Variants in MSANTD5 observed in about 807,000 individuals in gnomAD.
MSANTD5 encodes the protein uncharacterized protein MSANTD5.
intron 1 of MSANTD5, 133 bp downstream of exon 1, chr5:178,697,453 C>CAA (rs1765431497): frequency 6.6e-6 from 1 of 151,984 alleles, no homozygotes; most frequent in African/African-American, 2.4e-5. Flanking sequence ...GACTCCGTCT[C>CAA]AAAAATATAA....
At chr5:178,696,480 A>C (rs4256366) in intron 1 of MSANTD5, among the ~76,000 whole-genome samples, 37,146 of 151,704 alleles carry the variant, frequency 0.24, 5,438 homozygotes, top group African/African-American at 0.4. Flanking sequence ...CCTGTCTTGG[A>C]CTCCCAAAGT....
At position 178,697,261 on chromosome 5, in the gene MSANTD5, T is replaced by C. The variant is rs374314211; in HGVS notation, c.6+325A>G. Among the ~76,000 whole-genome samples the C allele has an allele frequency of 3.5e-4, 53 of 151,466 alleles. No individual in the cohort carries two copies. The South Asian group carries it at 8.9e-3, about 25-fold the overall frequency. ...CGAGGTCAGGAGATCGAGACCATCC[T>C]GGCTAACACGGTGAAACCCCGTCTC... On this transcript the variant is annotated intron_variant, in intron 1 of 3. Coordinates refer to ENST00000648368, the Ensembl canonical transcript of MSANTD5.
At chr5:178,706,115 T>A in the MSANTD5 span, among the ~76,000 whole-genome samples, 1 of 152,206 alleles carries the variant, frequency 6.6e-6, no homozygotes, top group Non-Finnish European at 1.5e-5. Flanking sequence ...GAAATGCTTT[T>A]TCCGCCTGAA....
At chr5:178,704,436 C>A in the MSANTD5 span, among the ~76,000 whole-genome samples, 7 of 152,208 alleles carry the variant, frequency 4.6e-5, no homozygotes, top group Admixed American at 3.9e-4. Context: ...CTAGAAGGCA[C>A]CTTCTATAAG....
upstream of MSANTD5, among the ~76,000 whole-genome samples, chr5:178,700,506 C>T (rs1293746152): frequency 1.3e-5 from 2 of 152,206 alleles, no homozygotes; most frequent in Non-Finnish European, 1.5e-5. Context: ...CCATGAACTA[C>T]ACTGAGTCCA....
upstream of MSANTD5, among the ~76,000 whole-genome samples, chr5:178,699,828 C>G (rs1367024730): frequency 1.3e-5 from 2 of 152,112 alleles, no homozygotes; most frequent in African/African-American, 4.8e-5. Flanking sequence ...CTAATGGGGA[C>G]CCTGCTTATC....
chr5:178,700,006 T>C (rs1335304934), upstream of MSANTD5, among the ~76,000 whole-genome samples: 1 of 152,190 alleles, frequency 6.6e-6, no homozygotes, highest in East Asian at 1.9e-4. Flanking sequence ...TCTCTGTTTG[T>C]CCGGGCTCCA....
downstream of MSANTD5, among the ~76,000 whole-genome samples, chr5:178,694,188 G>A (rs967391305): frequency 1.3e-5 from 2 of 151,644 alleles, no homozygotes; most frequent in Non-Finnish European, 1.5e-5. Context: ...ATGGTGGCGG[G>A]CGCCTGTAAT....
At chr5:178,702,704 T>C in the MSANTD5 span, among the ~76,000 whole-genome samples, 1 of 151,976 alleles carries the variant, frequency 6.6e-6, no homozygotes, top group Non-Finnish European at 1.5e-5. Flanking sequence ...TTCAAGCAAT[T>C]CTTCTGCCTC....
upstream of MSANTD5, among the ~76,000 whole-genome samples, chr5:178,699,798 T>C (rs1765456861): frequency 9.3e-6 from 1 of 107,980 alleles, no homozygotes; most frequent in Non-Finnish European, 2.1e-5. Flanking sequence ...GTTACTTCCA[T>C]GGACAACAGC....
At chr5:178,700,768 G>A (rs566934538), upstream of MSANTD5, among the ~76,000 whole-genome samples, 1 of 152,296 alleles carries the variant, frequency 6.6e-6, no homozygotes, top group Non-Finnish European at 1.5e-5. Flanking sequence ...GAGAGGCTCG[G>A]AAGGCCAGGG....
At chr5:178,701,821 C>T (rs1258912142), upstream of MSANTD5, among the ~76,000 whole-genome samples, 4 of 150,094 alleles carry the variant, frequency 2.7e-5, no homozygotes, top group East Asian at 7.8e-4. Flanking sequence ...TCTTGGCCTA[C>T]TGGAACCTCT....
At chr5:178,700,727 TGAGAGGCTGAGCTTG>T (rs894732969), upstream of MSANTD5, among the ~76,000 whole-genome samples, 19 of 143,790 alleles carry the variant, frequency 1.3e-4, no homozygotes, top group South Asian at 4.4e-4. Flanking sequence ...TAATCCGGGC[TGAGAGGCTGAGCTTG>T]GAGAGGCTGA....
chr5:178,696,591 C>CAA (rs1243505892), intron 1 of MSANTD5, among the ~76,000 whole-genome samples: 6 of 152,044 alleles, frequency 3.9e-5, no homozygotes, highest in Non-Finnish European at 8.8e-5. Flanking sequence ...AGACACTGGA[C>CAA]AAGGGCGCGT....
chr5:178,699,434 C>CTTTT (rs36114750), upstream of MSANTD5, among the ~76,000 whole-genome samples: 5 of 148,648 alleles, frequency 3.4e-5, no homozygotes, highest in Non-Finnish European at 4.5e-5. Context: ...TTCTTTCCTT[C>CTTTT]TTTTTTTTTT....
chr5:178,703,442 G>A, the MSANTD5 span, among the ~76,000 whole-genome samples: 4 of 152,164 alleles, frequency 2.6e-5, no homozygotes, highest in East Asian at 5.8e-4. Flanking sequence ...CAAAGCCTGC[G>A]ACTTTCAAGC....
intron 1 of MSANTD5, among the ~76,000 whole-genome samples, chr5:178,696,623 G>GA (rs1218555668): frequency 6.6e-6 from 1 of 152,108 alleles, no homozygotes; most frequent in Non-Finnish European, 1.5e-5. Context: ...GTGAAGGCAG[G>GA]AAACAAGGGT....
the MSANTD5 span, among the ~76,000 whole-genome samples, chr5:178,705,239 G>A: frequency 6.6e-6 from 1 of 151,950 alleles, no homozygotes; most frequent in Non-Finnish European, 1.5e-5. Context: ...GTAGAGATGG[G>A]GTTTTGCCAT....
chr5:178,697,107 C>T (rs1765420533), intron 1 of MSANTD5, among the ~76,000 whole-genome samples: 1 of 152,164 alleles, frequency 6.6e-6, no homozygotes, highest in Non-Finnish European at 1.5e-5. Context: ...TCAAAACGAT[C>T]CCCCAAAGCA....
Sources: gnomAD v4.1 joint callset for allele counts (sites outside exome capture counted in the v4.1 genomes callset) on GRCh38, gnomAD v4.1.1 for gene constraint, MANE v1.5 for transcripts, NCBI Gene and HGNC (gene_info 2026-07-23, HGNC 2026-07-21) for gene names.